PTPRT: variants seen among roughly 807,000 people sequenced by gnomAD.
PTPRT encodes the protein receptor-type tyrosine-protein phosphatase T.
Under a neutral mutation model 176.8 loss-of-function variants are expected in PTPRT, and 56 were observed. The observed-to-expected ratio is 0.32, with a 90% confidence interval of 0.26 to 0.40. The LOEUF is 0.40. PTPRT is among the 10% of genes least tolerant of loss of function. The pLI is 1.00. For missense variants in PTPRT, 1,540 were observed against 1,908.2 expected (o/e 0.81, Z 3.60); for synonymous variants, 783 against 739.0 (o/e 1.06, Z -0.96).
chr20:42,670,597 G>A (rs80105353), intron 7 of PTPRT, among the ~76,000 whole-genome samples: 11,716 of 152,244 alleles, frequency 0.077, 502 homozygotes, highest in South Asian at 0.16. Context: ...ACCCTCAGGT[G>A]GAGGGAATAG....
chr20:42,617,621 G>C (rs1231122250), intron 7 of PTPRT, among the ~76,000 whole-genome samples: 1 of 138,150 alleles, frequency 7.2e-6, no homozygotes, highest in African/African-American at 3.2e-5. Context: ...TTCAGATCCT[G>C]TTATTGGTCT....
chr20:42,854,599 C>T (rs1165913795), intron 2 of PTPRT, among the ~76,000 whole-genome samples: 1 of 152,218 alleles, frequency 6.6e-6, no homozygotes, highest in Non-Finnish European at 1.5e-5. Flanking sequence ...GATCACATCT[C>T]CCTCACCTAT....
chr20:42,306,321 G>T (rs574468904), intron 12 of PTPRT, among the ~76,000 whole-genome samples: 57 of 152,284 alleles, frequency 3.7e-4, no homozygotes, highest in African/African-American at 1.3e-3. Flanking sequence ...TCAAACAATG[G>T]AATGGAGGCC....
intron 2 of PTPRT, among the ~76,000 whole-genome samples, chr20:42,798,657 T>G (rs1196814976): frequency 6.6e-6 from 1 of 152,176 alleles, no homozygotes; most frequent in East Asian, 1.9e-4. Context: ...AAAAGATACA[T>G]CCTGAAACTT....
chr20:42,455,227 T>C (rs1421005763), intron 8 of PTPRT, among the ~76,000 whole-genome samples: 1 of 152,240 alleles, frequency 6.6e-6, no homozygotes, highest in Non-Finnish European at 1.5e-5. Context: ...TCTTTTTAAA[T>C]ACTTTCTCTT....
intron 1 of PTPRT, among the ~76,000 whole-genome samples, chr20:42,943,505 G>C (rs1388518842): frequency 6.6e-6 from 1 of 152,104 alleles, no homozygotes; most frequent in South Asian, 2.1e-4. Flanking sequence ...CCAGGCATGA[G>C]CAGCAGCAGC....
chr20:43,107,872 C>T (rs768942123), intron 1 of PTPRT, among the ~76,000 whole-genome samples: 13 of 152,212 alleles, frequency 8.5e-5, no homozygotes, highest in Non-Finnish European at 1.5e-4. Context: ...TAGGTAATAC[C>T]TTTAAAATGT....
At chr20:42,447,648 T>C (rs2145850868) in intron 9 of PTPRT, among the ~76,000 whole-genome samples, 1 of 152,294 alleles carries the variant, frequency 6.6e-6, no homozygotes. Context: ...GTTGGCTTGA[T>C]GGGTACATTC....
intron 13 of PTPRT, among the ~76,000 whole-genome samples, chr20:42,269,345 T>C (rs1466206624): frequency 6.6e-6 from 1 of 152,194 alleles, no homozygotes; most frequent in Non-Finnish European, 1.5e-5. Context: ...CATCACAGCC[T>C]GCTGCACCTC....
At chr20:42,527,354 C>T (rs2072296950) in intron 7 of PTPRT, among the ~76,000 whole-genome samples, 1 of 152,064 alleles carries the variant, frequency 6.6e-6, no homozygotes, top group Non-Finnish European at 1.5e-5. Context: ...GTGCTTTATC[C>T]CTGAAATTGA....
At chr20:42,136,232 C>CTTGTTTTTT (rs1988370073) in intron 18 of PTPRT, among the ~76,000 whole-genome samples, 1 of 63,036 alleles carries the variant, frequency 1.6e-5, no homozygotes, top group Non-Finnish European at 2.7e-5. Flanking sequence ...AAGAACAGTG[C>CTTGTTTTTT]TTTTTTTTTT....
intron 6 of PTPRT, among the ~76,000 whole-genome samples, chr20:42,734,923 T>G (rs2076516078): frequency 6.6e-6 from 1 of 152,162 alleles, no homozygotes; most frequent in African/African-American, 2.4e-5. Flanking sequence ...CCAAGCCACA[T>G]GGCCAAGCTC....
intron 1 of PTPRT, among the ~76,000 whole-genome samples, chr20:43,053,453 T>A (rs1362276954): frequency 6.6e-6 from 1 of 152,152 alleles, no homozygotes; most frequent in Non-Finnish European, 1.5e-5. Flanking sequence ...GGCAGCTCCA[T>A]CCACCATCAT....
chr20:42,045,213 G>A, the PTPRT span, among the ~76,000 whole-genome samples: 1 of 152,038 alleles, frequency 6.6e-6, no homozygotes, highest in African/African-American at 2.4e-5. Flanking sequence ...ACCTTTGGGA[G>A]GGGATTATTC....
intron 1 of PTPRT, among the ~76,000 whole-genome samples, chr20:43,159,365 C>A (rs1171132396): frequency 6.6e-6 from 1 of 152,216 alleles, no homozygotes; most frequent in Admixed American, 6.5e-5. Context: ...GTGGACAGGG[C>A]ACACACTGGC....
the PTPRT span, among the ~76,000 whole-genome samples, chr20:42,033,387 C>T: frequency 6.6e-6 from 1 of 152,120 alleles, no homozygotes; most frequent in African/African-American, 2.4e-5. Context: ...ATGCATATAG[C>T]TTATTGCATG....
intron 7 of PTPRT, among the ~76,000 whole-genome samples, chr20:42,520,819 A>ATATG (rs1555874469): frequency 3.4e-5 from 5 of 145,980 alleles, no homozygotes; most frequent in South Asian, 4.4e-4. Flanking sequence ...ATATATATAT[A>ATATG]TATGTATGTA....
At chr20:42,087,872 C>CAAAAA (rs56235565) in intron 27 of PTPRT, among the ~76,000 whole-genome samples, 2 of 89,044 alleles carry the variant, frequency 2.2e-5, no homozygotes, top group Non-Finnish European at 4.7e-5. Flanking sequence ...GACTCCATTT[C>CAAAAA]AAAAAAAAAA....
chr20:43,151,239 G>T (rs1183756353), intron 1 of PTPRT, among the ~76,000 whole-genome samples: 1 of 151,742 alleles, frequency 6.6e-6, no homozygotes, highest in Non-Finnish European at 1.5e-5. Flanking sequence ...CCGGGAGGCG[G>T]AGGTTGCGGT....
Sources: gnomAD v4.1 joint callset for allele counts (sites outside exome capture counted in the v4.1 genomes callset) on GRCh38, gnomAD v4.1.1 for gene constraint, MANE v1.5 for transcripts, NCBI Gene and HGNC (gene_info 2026-07-23, HGNC 2026-07-21) for gene names.